PLCH1: variants seen among roughly 807,000 people sequenced by gnomAD.
PLCH1 encodes phospholipase C eta 1, also known as 1-phosphatidylinositol 4,5-bisphosphate phosphodiesterase eta-1.
A neutral mutation model predicts 126.7 loss-of-function variants in PLCH1; 60 were observed. The ratio of observed to expected loss-of-function variants is 0.47; its 90% CI spans 0.38 to 0.59. The LOEUF (loss-of-function observed/expected upper bound fraction) is 0.59. PLCH1 is among the 20% of genes least tolerant of loss of function. The pLI, the probability that PLCH1 is intolerant of heterozygous loss-of-function variation, is 0.00. For synonymous variants in PLCH1, 719 were observed against 734.9 expected, an observed-to-expected ratio of 0.98 and a Z score of 0.35; for missense variants, 1,723 against 2,040.0, an observed-to-expected ratio of 0.84 and a Z score of 2.99.
chr3:155,610,247 G>A (rs1734865257), intron 2 of PLCH1, among the ~76,000 whole-genome samples: 2 of 151,772 alleles, frequency 1.3e-5, no homozygotes, highest in African/African-American at 4.8e-5. Context: ...TATAATCCCA[G>A]CTACTCAGGA....
At chr3:155,668,398 C>A (rs1163542576) in intron 2 of PLCH1, among the ~76,000 whole-genome samples, 1 of 152,120 alleles carries the variant, frequency 6.6e-6, no homozygotes, top group African/African-American at 2.4e-5. Context: ...CAGGTCAAAG[C>A]CAGATACAAT....
intron 10 of PLCH1, among the ~76,000 whole-genome samples, chr3:155,525,634 C>T (rs977594682): frequency 2.0e-5 from 3 of 152,162 alleles, no homozygotes; most frequent in East Asian, 1.9e-4. Context: ...CTTTGCATTT[C>T]ACAAGCCCCT....
intron 2 of PLCH1, among the ~76,000 whole-genome samples, chr3:155,656,389 C>T (rs972002943): frequency 6.6e-6 from 1 of 152,144 alleles, no homozygotes; most frequent in African/African-American, 2.4e-5. Flanking sequence ...AAACTATATA[C>T]AACCCTCACT....
At position 155,700,897 on chromosome 3, in the gene PLCH1, T is replaced by G. The variant is rs865924166; in HGVS notation, c.79+3249A>C. ...ACCAAACATTCTTTGCTCAAGATTT[T>G]TTTCTATTGCAAACATATCAGAAGA... On this transcript the variant is annotated intron_variant, in intron 2 of 22. Coordinates refer to ENST00000460012, the MANE Select transcript of PLCH1 (RefSeq NM_014996.4). 5.9e-5 allele frequency among the ~76,000 whole-genome samples: 9 copies of G among 152,148 alleles called. 1 individual carries two copies. Among genetic ancestry groups the G allele is most frequent in the South Asian group, 2.1e-4 (1 of 4,822 alleles).
chr3:155,623,429 G>C (rs1736784970), intron 2 of PLCH1, among the ~76,000 whole-genome samples: 1 of 151,824 alleles, frequency 6.6e-6, no homozygotes, highest in Non-Finnish European at 1.5e-5. Context: ...AGGAGATAGA[G>C]ACATGAAAAA....
At chr3:155,573,708 T>C in intron 6 of PLCH1, among the ~76,000 whole-genome samples, 1 of 152,188 alleles carries the variant, frequency 6.6e-6, no homozygotes, top group East Asian at 1.9e-4. Context: ...CCTACCACAA[T>C]TTATTAATCA....
chr3:155,463,079 T>C (rs1712790652), intron 21 of PLCH1, among the ~76,000 whole-genome samples: 1 of 152,216 alleles, frequency 6.6e-6, no homozygotes, highest in Admixed American at 6.5e-5. Flanking sequence ...GGTTTTGTTG[T>C]AAAGCTATGG....
rs78321453 is a variant in PLCH1 at position 155,639,657 on chromosome 3, G to A, written c.80-43279C>T. 2.9e-3 allele frequency among the ~76,000 whole-genome samples: 443 copies of A among 152,258 alleles called. 7 individuals are homozygous for A. The highest frequency in any genetic ancestry group is 0.028 in the East Asian group (144 of 5,184). The stretch of plus-strand genomic sequence containing the variant: ...CTTTCACAGCCAGTACTATGCCTGT[G>A]GCCATCTCCCAGGCTCAGGAGAGCC... On this transcript the variant is annotated intron_variant, in intron 2 of 22. Coordinates refer to ENST00000460012, the MANE Select transcript of PLCH1 (RefSeq NM_014996.4).
intron 5 of PLCH1, 69 bp downstream of exon 5, chr3:155,585,996 T>C (rs1731308977): frequency 3.6e-6 from 5 of 1,379,872 alleles, no homozygotes. Flanking sequence ...AATAGCTTTT[T>C]AATATACCTA....
intron 2 of PLCH1, among the ~76,000 whole-genome samples, chr3:155,615,361 T>C (rs549410296): frequency 2.6e-5 from 4 of 152,286 alleles, no homozygotes; most frequent in South Asian, 2.1e-4. Context: ...ACAACCACTA[T>C]AGAAAACAGT....
Position 155,564,948 on chromosome 3 carries a change from G to A in PLCH1, c.1036C>T (p.Arg346Trp), listed in dbSNP as rs139032779. 9.3e-6 allele frequency: 15 copies of A among 1,613,702 alleles called. No homozygotes were observed. The highest frequency in any genetic ancestry group is 6.7e-5 in the African/African-American group (5 of 74,898). Residue 346 changes from arginine to tryptophan, a missense_variant, in exon 8 of 23, where the codon CGG (arginine) becomes TGG (tryptophan). Physicochemically the swap from Arg to Trp is moderately radical, Grantham distance 101 (BLOSUM62 -3). Coordinates refer to ENST00000460012, the MANE Select transcript of PLCH1 (RefSeq NM_014996.4). ...CAGCGACAGCCCTCTTGCAGCACCC[G>A]TGCATACATATCCACTTTGGACTGA... ...LSQSKVDMYARVLQEGCRCVE... is the reference protein window; with the variant it reads ...LSQSKVDMYAWVLQEGCRCVE...
chr3:155,619,264 GTA>G (rs1736163793), intron 2 of PLCH1, among the ~76,000 whole-genome samples: 1 of 101,632 alleles, frequency 9.8e-6, no homozygotes, highest in African/African-American at 5.6e-5. Flanking sequence ...ACTCTATAGT[GTA>G]CAGTACAGGA....
chr3:155,536,892 G>A (rs1209214019), intron 10 of PLCH1, among the ~76,000 whole-genome samples: 1 of 152,024 alleles, frequency 6.6e-6, no homozygotes, highest in Non-Finnish European at 1.5e-5. Context: ...CTAAAGTCAA[G>A]ATGAAGGAAA....
At chr3:155,497,616 C>T (rs545344146) in intron 14 of PLCH1, among the ~76,000 whole-genome samples, 199 bp from the exon 15 acceptor site, 1 of 152,330 alleles carries the variant, frequency 6.6e-6, no homozygotes, top group East Asian at 1.9e-4. Flanking sequence ...ACAGTAGTCC[C>T]CCCTTATCCT....
intron 5 of PLCH1, among the ~76,000 whole-genome samples, chr3:155,584,371 T>G (rs1320207817): frequency 6.6e-6 from 1 of 152,194 alleles, no homozygotes; most frequent in Admixed American, 6.5e-5. Context: ...AAAGATAGAG[T>G]TGATGCTCTT....
At chr3:155,739,661 C>T (rs1266250499) in intron 1 of PLCH1, among the ~76,000 whole-genome samples, 1 of 152,204 alleles carries the variant, frequency 6.6e-6, no homozygotes, top group Non-Finnish European at 1.5e-5. Flanking sequence ...AATTTCCCGC[C>T]TATTACCACT....
intron 4 of PLCH1, 102 bp downstream of exon 4, chr3:155,593,836 AATT>A (rs1293591225): frequency 1.7e-6 from 2 of 1,198,248 alleles, no homozygotes; most frequent in Admixed American, 2.6e-5. Context: ...GAGAAAGGAA[AATT>A]ATGGGAAAAA....
intron 2 of PLCH1, among the ~76,000 whole-genome samples, chr3:155,610,227 T>C (rs7640803): frequency 0.49 from 73,555 of 151,498 alleles, 20,239 homozygotes; most frequent in African/African-American, 0.74. Flanking sequence ...CGGGCATGGT[T>C]GCACATGCCT....
At chr3:155,578,512 G>T (rs1730262733) in intron 6 of PLCH1, among the ~76,000 whole-genome samples, 1 of 152,070 alleles carries the variant, frequency 6.6e-6, no homozygotes, top group African/African-American at 2.4e-5. Flanking sequence ...AACTATCCAG[G>T]GGCCCAACAA....
Sources: allele counts gnomAD v4.1 joint callset (sites outside exome capture counted in the v4.1 genomes callset), GRCh38; gene constraint gnomAD v4.1.1; transcripts MANE v1.5; gene names NCBI Gene and HGNC (gene_info 2026-07-23, HGNC 2026-07-21).